YAP1: variants seen among roughly 807,000 people sequenced by gnomAD.
YAP1 encodes Yes1 associated transcriptional regulator, also known as transcriptional coactivator YAP1.
In YAP1, 5 loss-of-function variants were observed where a neutral mutation model predicts 56.9. The ratio of observed to expected loss-of-function variants is 0.09; its 90% CI spans 0.05 to 0.18. The LOEUF (loss-of-function observed/expected upper bound fraction) is 0.18. Ranked by LOEUF, YAP1 falls within the 10% of genes least tolerant of loss-of-function variation. The pLI is 1.00. For synonymous variants in YAP1, 265 were observed against 248.1 expected (o/e 1.07, Z -0.64); for missense variants, 539 against 651.8 (o/e 0.83, Z 1.88).
At chr11:102,146,240 C>G (rs1945315080) in intron 2 of YAP1, among the ~76,000 whole-genome samples, 1 of 152,050 alleles carries the variant, frequency 6.6e-6, no homozygotes, top group Non-Finnish European at 1.5e-5. Context: ...CTAGGTTAGT[C>G]TTGAACTCTT....
At chr11:102,167,112 A>T (rs1591297107) in intron 3 of YAP1, among the ~76,000 whole-genome samples, 1 of 152,216 alleles carries the variant, frequency 6.6e-6, no homozygotes, top group Non-Finnish European at 1.5e-5. Context: ...GTGGTTTGTG[A>T]TTGGGCAAAT....
intron 4 of YAP1, among the ~76,000 whole-genome samples, chr11:102,194,703 A>G (rs904239879): frequency 1.3e-5 from 2 of 152,188 alleles, no homozygotes; most frequent in African/African-American, 2.4e-5. Context: ...AAAAAGGCAC[A>G]TAGGAAGCCA....
intron 3 of YAP1, among the ~76,000 whole-genome samples, chr11:102,163,603 A>G (rs1946425404): frequency 6.6e-6 from 1 of 152,214 alleles, no homozygotes; most frequent in African/African-American, 2.4e-5. Context: ...TGGCAGCTCT[A>G]GTAGACTTGA....
chr11:102,154,169 C>G (rs1449340609), intron 2 of YAP1, among the ~76,000 whole-genome samples: 1 of 152,144 alleles, frequency 6.6e-6, no homozygotes, highest in African/African-American at 2.4e-5. Flanking sequence ...TGTATTTTCA[C>G]TGACAGGATC....
chr11:102,202,748 A>G (rs1318500644), intron 4 of YAP1, among the ~76,000 whole-genome samples: 1 of 152,178 alleles, frequency 6.6e-6, no homozygotes, highest in Non-Finnish European at 1.5e-5. Flanking sequence ...GTGGTTGCTA[A>G]AAACCATTGG....
At chr11:102,139,365 G>C (rs1237380760) in intron 2 of YAP1, among the ~76,000 whole-genome samples, 1 of 152,078 alleles carries the variant, frequency 6.6e-6, no homozygotes, top group African/African-American at 2.4e-5. Flanking sequence ...AGCTATTATA[G>C]CAAAGTTGCT....
At chr11:102,166,268 ACAG>A (rs1946602892) in intron 3 of YAP1, among the ~76,000 whole-genome samples, 2 of 152,214 alleles carry the variant, frequency 1.3e-5, no homozygotes, top group Non-Finnish European at 2.9e-5. Context: ...TAATATCTTT[ACAG>A]CACATGCCTC....
At chr11:102,188,934 C>T (rs1207641008) in intron 4 of YAP1, among the ~76,000 whole-genome samples, 1 of 151,926 alleles carries the variant, frequency 6.6e-6, no homozygotes, top group African/African-American at 2.4e-5. Flanking sequence ...TTTTCTTTAA[C>T]ATTTAAAAGC....
intron 4 of YAP1, among the ~76,000 whole-genome samples, chr11:102,192,903 A>G (rs1486602362): frequency 6.6e-6 from 1 of 152,220 alleles, no homozygotes; most frequent in Non-Finnish European, 1.5e-5. Context: ...CATGGTGAGT[A>G]TGTCCAGGCA....
intron 3 of YAP1, among the ~76,000 whole-genome samples, chr11:102,168,124 C>T (rs557392668): frequency 1.2e-4 from 19 of 152,156 alleles, no homozygotes; most frequent in African/African-American, 4.1e-4. Context: ...TTTTTCTCCC[C>T]ATATTGAGAG....
intron 4 of YAP1, among the ~76,000 whole-genome samples, chr11:102,201,509 G>A (rs974310047): frequency 2.0e-5 from 3 of 152,120 alleles, no homozygotes; most frequent in Non-Finnish European, 4.4e-5. Context: ...AATTATAGAA[G>A]AATAATTTCA....
chr11:102,171,719 A>G (rs1408507267), intron 3 of YAP1, among the ~76,000 whole-genome samples: 1 of 152,232 alleles, frequency 6.6e-6, no homozygotes, highest in African/African-American at 2.4e-5. Context: ...TCTTACAGCT[A>G]TAACCTGACA....
At chr11:102,187,899 C>A (rs182985891) in intron 4 of YAP1, among the ~76,000 whole-genome samples, 3 of 152,270 alleles carry the variant, frequency 2.0e-5, no homozygotes, top group Admixed American at 2.0e-4. Flanking sequence ...TTTAGTTTCC[C>A]TTTTTGGGCC....
In YAP1 at chr11:102,233,212, C is replaced by T. The variant is rs976050244; in HGVS notation, c.*3272C>T. ...TTTCTGTATCTTGAAAAAGTATTCT[C>T]CACATTTTAAATGTTTTATATTAGA... On this transcript the variant is annotated 3_prime_UTR_variant, in exon 9 of 9. Coordinates refer to ENST00000282441, the MANE Select transcript of YAP1 (RefSeq NM_001130145.3). The T allele has an allele frequency of 7.2e-5, 11 of 152,170 alleles. No individual in the cohort carries two copies. Among genetic ancestry groups the T allele is most frequent in the African/African-American group, 2.2e-4 (9 of 41,440 alleles). The allele number at this position is 152,170 out of a possible 1,614,324, so 9.4% of individuals were successfully genotyped here.
chr11:102,139,008 A>G (rs1007202455), intron 2 of YAP1, among the ~76,000 whole-genome samples: 3 of 152,186 alleles, frequency 2.0e-5, no homozygotes, highest in Non-Finnish European at 4.4e-5. Flanking sequence ...ATTTAATTTC[A>G]AAAGCAAAGC....
chr11:102,217,259 A>C (rs1346133761), intron 6 of YAP1, among the ~76,000 whole-genome samples: 1 of 152,250 alleles, frequency 6.6e-6, no homozygotes, highest in Non-Finnish European at 1.5e-5. Context: ...TTGGCCTTAC[A>C]TAAAATGATG....
chr11:102,227,398 G>A (rs2135718406), intron 7 of YAP1, 71 bp from the exon 8 acceptor site: 1 of 994,334 alleles, frequency 1.0e-6, no homozygotes, highest in African/African-American at 1.6e-5. Flanking sequence ...CTGCTCAGCA[G>A]GTGTTTATTT....
At chr11:102,204,130 G>T (rs1949007927) in intron 4 of YAP1, among the ~76,000 whole-genome samples, 1 of 150,988 alleles carries the variant, frequency 6.6e-6, no homozygotes, top group African/African-American at 2.4e-5. Context: ...CAGGTATGAT[G>T]CTCGCCTGCA....
At chr11:102,223,857 A>C in intron 7 of YAP1, 105 bp downstream of exon 7, 1 of 1,410,180 alleles carries the variant, frequency 7.1e-7, no homozygotes, top group East Asian at 2.3e-5. Context: ...TGTGGGCCAA[A>C]AACCATAGCT....
Sources: gnomAD v4.1 joint callset for allele counts (sites outside exome capture counted in the v4.1 genomes callset) on GRCh38, gnomAD v4.1.1 for gene constraint, MANE v1.5 for transcripts, NCBI Gene and HGNC (gene_info 2026-07-23, HGNC 2026-07-21) for gene names.